RANBP2: variants seen among roughly 807,000 people sequenced by gnomAD.
RANBP2 encodes E3 SUMO-protein ligase RanBP2.
Under a neutral mutation model 303.6 loss-of-function variants are expected in RANBP2, and 57 were observed. The observed-to-expected ratio is 0.19, with a 90% confidence interval of 0.15 to 0.23. RANBP2 has a LOEUF of 0.23. RANBP2 is among the 10% of genes least tolerant of loss of function. The probability of loss-of-function intolerance (pLI) is 1.00; values close to 1 mark genes in which losing one functional copy is unlikely to be tolerated. For missense variants in RANBP2, 3,138 were observed against 3,780.8 expected, an observed-to-expected ratio of 0.83 and a Z score of 4.46; for synonymous variants, 1,167 against 1,301.5, an observed-to-expected ratio of 0.90 and a Z score of 2.23.
At chr2:109,213,769 G>A in the RANBP2 span, among the ~76,000 whole-genome samples, 540 of 152,300 alleles carry the variant, frequency 3.5e-3, 5 homozygotes, top group African/African-American at 0.012. Context: ...GGAACGTGAC[G>A]TGGTCTCACT....
At chr2:108,995,681 G>T in the RANBP2 span, among the ~76,000 whole-genome samples, 41 of 152,156 alleles carry the variant, frequency 2.7e-4, no homozygotes, top group Non-Finnish European at 5.6e-4. Context: ...ATGTTGCCGC[G>T]TGCTTCAGAA....
chr2:109,343,983 A>G, the RANBP2 span, among the ~76,000 whole-genome samples: 1 of 151,906 alleles, frequency 6.6e-6, no homozygotes, highest in African/African-American at 2.4e-5. Context: ...GCCTCAAGTG[A>G]TTTTCCATCC....
chr2:108,798,816 T>TACACACACACACACACAC, the RANBP2 span, among the ~76,000 whole-genome samples: 40 of 131,640 alleles, frequency 3.0e-4, 1 homozygote, highest in Admixed American at 3.2e-4. Flanking sequence ...TCTCCACACC[T>TACACACACACACACACAC]ACACACACAC....
the RANBP2 span, among the ~76,000 whole-genome samples, chr2:109,429,466 T>C: frequency 3.3e-5 from 5 of 152,172 alleles, no homozygotes; most frequent in Non-Finnish European, 7.4e-5. Context: ...AAATTTAAGA[T>C]GAAGAGGCCA....
At chr2:109,021,480 G>A in the RANBP2 span, among the ~76,000 whole-genome samples, 82,970 of 148,326 alleles carry the variant, frequency 0.56, 24,104 homozygotes, top group East Asian at 0.84. Flanking sequence ...CCGAGATGGC[G>A]CCACTGCCCT....
At chr2:109,100,997 T>C in the RANBP2 span, among the ~76,000 whole-genome samples, 5 of 152,014 alleles carry the variant, frequency 3.3e-5, no homozygotes, top group Non-Finnish European at 4.4e-5. Flanking sequence ...GAAGAGGAAG[T>C]GAGGAGTGGC....
At chr2:108,873,418 C>A in the RANBP2 span, 1 of 1,521,744 alleles carries the variant, frequency 6.6e-7, no homozygotes, top group Non-Finnish European at 8.8e-7. Flanking sequence ...TCGCTACTCC[C>A]TAATAGTAAA....
chr2:108,818,380 T>G, the RANBP2 span, among the ~76,000 whole-genome samples: 1 of 152,180 alleles, frequency 6.6e-6, no homozygotes, highest in African/African-American at 2.4e-5. Flanking sequence ...AGAATAATAT[T>G]TAGCACGTGT....
At chr2:109,651,391 C>T in the RANBP2 span, among the ~76,000 whole-genome samples, 6 of 152,190 alleles carry the variant, frequency 3.9e-5, no homozygotes, top group Non-Finnish European at 8.8e-5. Context: ...TGTTCCATGA[C>T]ACCTACTCCT....
the RANBP2 span, among the ~76,000 whole-genome samples, chr2:109,722,394 C>T: frequency 6.6e-6 from 1 of 152,220 alleles, no homozygotes; most frequent in Non-Finnish European, 1.5e-5. Flanking sequence ...TCATAGCCCA[C>T]AGCTCTCTAG....
chr2:108,930,869 T>C, the RANBP2 span: 1 of 1,368,546 alleles, frequency 7.3e-7, no homozygotes, highest in Non-Finnish European at 1.0e-6. Context: ...GGGACTATGA[T>C]CAGCATTCCC....
the RANBP2 span, among the ~76,000 whole-genome samples, chr2:109,673,397 G>A: frequency 6.6e-6 from 1 of 152,198 alleles, no homozygotes; most frequent in South Asian, 2.1e-4. Context: ...AACAGAAGGT[G>A]CCACAGACCC....
chr2:109,587,372 T>G, the RANBP2 span, among the ~76,000 whole-genome samples: 1 of 152,090 alleles, frequency 6.6e-6, no homozygotes, highest in South Asian at 2.1e-4. Flanking sequence ...TAAAAACTTG[T>G]GTGAGAGTAT....
chr2:109,196,334 G>A, the RANBP2 span, among the ~76,000 whole-genome samples: 40,061 of 152,126 alleles, frequency 0.26, 5,647 homozygotes, highest in East Asian at 0.47. Context: ...CCAAGGCCTG[G>A]CGTTGGGCTG....
intron 4 of RANBP2, among the ~76,000 whole-genome samples, chr2:108,732,941 A>G (rs1695288724): frequency 6.6e-6 from 1 of 152,256 alleles, no homozygotes; most frequent in African/African-American, 2.4e-5. Context: ...CTCCTGCCTC[A>G]GCCTTCCGGG....
the RANBP2 span, among the ~76,000 whole-genome samples, chr2:108,937,995 C>A: frequency 1.3e-5 from 2 of 152,154 alleles, no homozygotes; most frequent in Admixed American, 6.5e-5. Context: ...TTCTTGCACA[C>A]GTAGAATAAT....
At chr2:108,788,221 C>T (rs1030012761), downstream of RANBP2, 2 of 800,826 alleles carry the variant, frequency 2.5e-6, no homozygotes, top group Admixed American at 6.3e-5. Flanking sequence ...GAGTTCGAGA[C>T]CACTCAGGCC....
chr2:108,977,601 T>G, the RANBP2 span, among the ~76,000 whole-genome samples: 2 of 152,140 alleles, frequency 1.3e-5, no homozygotes, highest in African/African-American at 4.8e-5. Context: ...GTTCCTGAAG[T>G]GGAAGACTGT....
At chr2:108,923,197 A>G in the RANBP2 span, among the ~76,000 whole-genome samples, 127,255 of 152,102 alleles carry the variant, frequency 0.84, 55,417 homozygotes, top group Middle Eastern at 0.91. Context: ...TGTGGCAAAC[A>G]TCCCTCCCTT....
Sources: gnomAD v4.1 joint callset for allele counts (sites outside exome capture counted in the v4.1 genomes callset) on GRCh38, gnomAD v4.1.1 for gene constraint, MANE v1.5 for transcripts, NCBI Gene and HGNC (gene_info 2026-07-23, HGNC 2026-07-21) for gene names.